STX1A: variants seen among roughly 807,000 people sequenced by gnomAD.
The protein encoded by STX1A is syntaxin-1A.
A neutral mutation model predicts 37.8 loss-of-function variants in STX1A; 4 were observed. That is an observed-to-expected ratio of 0.11 (90% confidence interval 0.05 to 0.24). The LOEUF is 0.24. Ranked by LOEUF, STX1A falls within the 10% of genes least tolerant of loss-of-function variation. The pLI, the probability that STX1A is intolerant of heterozygous loss-of-function variation, is 1.00. For missense variants in STX1A, 251 were observed against 399.9 expected (o/e 0.63, Z 3.18); for synonymous variants, 135 against 147.4 (o/e 0.92, Z 0.61).
Position 73,717,914 on chromosome 7 carries a change from A to C in STX1A, c.30+1688T>G, listed in dbSNP as rs1799346883. On this transcript the variant is annotated intron_variant, in intron 1 of 9. Transcript: ENST00000222812. This position sits in a 1 kb window ranked among gnomAD's most constrained non-coding sequence, Gnocchi z 4.1. ...GCCCTTTTCTACCACCCCTCCCTCT[A>C]GCAGGCAAGCCGTGTTTCTTTTGTG... Among the ~76,000 whole-genome samples, 1 of 152,088 alleles carries C rather than the reference A, an allele frequency of 6.6e-6. No homozygotes were observed. Among genetic ancestry groups the C allele is most frequent in the South Asian group, 2.1e-4 (1 of 4,832 alleles).
rs1432715333 is a variant in STX1A at position 73,709,221 on chromosome 7, CT to C, written c.31-100del. On this transcript the variant is annotated intron_variant, in intron 1 of 9. Coordinates refer to ENST00000222812, the MANE Select transcript of STX1A (RefSeq NM_004603.4). The surrounding 1 kb of genome is among the most constrained non-coding windows in gnomAD (Gnocchi z 4.2). ...CAGCGCCAGGGCCCTGCCCCTCCCCCTCTCCCTGGGGGCCTCTGGGCAGGGA... is the reference window on the plus strand; with the variant it reads ...CAGCGCCAGGGCCCTGCCCCTCCCCCCTCCCTGGGGGCCTCTGGGCAGGGA... 1.6e-6 allele frequency: 2 copies of C among 1,240,008 alleles called. No individual in the cohort carries two copies. Among genetic ancestry groups the C allele is most frequent in the African/African-American group, 2.9e-5 (2 of 67,806 alleles). 76.8% of individuals were successfully genotyped at this position (1,240,008 alleles called of 1,614,324 possible). A position where few individuals can be genotyped will look rare whatever the true frequency, so the allele number is the denominator to read the frequency against.
At chr7:73,711,552 G>A (rs782438621) in intron 1 of STX1A, among the ~76,000 whole-genome samples, 3 of 152,040 alleles carry the variant, frequency 2.0e-5, no homozygotes, top group African/African-American at 4.8e-5. Flanking sequence ...TCCAGGAGCC[G>A]TTTTCACGCT....
chr7:73,712,401 C>T (rs1230460545), intron 1 of STX1A, among the ~76,000 whole-genome samples: 24 of 151,036 alleles, frequency 1.6e-4, no homozygotes, highest in Admixed American at 1.3e-3. Context: ...TCCCTTTGCC[C>T]GGGATGCTGA....
intron 3 of STX1A, among the ~76,000 whole-genome samples, chr7:73,707,016 G>A (rs1403518981): frequency 1.3e-5 from 2 of 152,176 alleles, no homozygotes; most frequent in African/African-American, 4.8e-5. Flanking sequence ...TTGGGGCTGT[G>A]AAAAGATTTA....
intron 7 of STX1A, chr7:73,703,471 C>A: frequency 1.5e-6 from 1 of 659,856 alleles, no homozygotes. Context: ...AAATGTCCTC[C>A]AGGAGAGGAA....
At chr7:73,712,389 C>T (rs1799135452) in intron 1 of STX1A, among the ~76,000 whole-genome samples, 1 of 150,826 alleles carries the variant, frequency 6.6e-6, no homozygotes, top group East Asian at 2.0e-4. Context: ...CCCCCAGGCA[C>T]ATCCCTTTGC....
Position 73,699,433 on chromosome 7 carries a change from G to A in STX1A, c.*974C>T, listed in dbSNP as rs1275823389. On this transcript the variant is annotated 3_prime_UTR_variant, in exon 10 of 10. Transcript: ENST00000222812. ...CATGCATCTCCCTGCCTGTCCACAA[G>A]GGAGAGGGTCCTGGGGCGGGGGCAC... The A allele has an allele frequency of 2.6e-5, 4 of 152,692 alleles. No individual in the cohort carries two copies. The highest frequency in any genetic ancestry group is 9.6e-5 in the African/African-American group (4 of 41,458). 9.5% of individuals were successfully genotyped at this position (152,692 alleles called of 1,614,324 possible). A position where few individuals can be genotyped will look rare whatever the true frequency, so the allele number is the denominator to read the frequency against.
chr7:73,705,089 G>T lies in STX1A; in HGVS notation c.283+61C>A. The T allele has an allele frequency of 6.5e-7, 1 of 1,529,436 alleles. No individual in the cohort carries two copies. Among genetic ancestry groups the T allele is most frequent in the Non-Finnish European group, 9.1e-7 (1 of 1,103,212 alleles). 94.7% of individuals were successfully genotyped at this position (1,529,436 alleles called of 1,614,324 possible). On this transcript the variant is annotated intron_variant, in intron 4 of 9. Transcript: ENST00000222812. The surrounding 1 kb of genome is among the most constrained non-coding windows in gnomAD (Gnocchi z 5.2). ...CCTCAGGGCGAGCAAAACCCCATGGGCTCCGCAGAGGAAGCAGGCCTAGAA... is the reference window on the plus strand; with the variant it reads ...CCTCAGGGCGAGCAAAACCCCATGGTCTCCGCAGAGGAAGCAGGCCTAGAA...
chr7:73,703,976 A>C (rs1798768667), intron 6 of STX1A, 148 bp from the exon 7 acceptor site: 2 of 838,374 alleles, frequency 2.4e-6, no homozygotes, highest in Admixed American at 3.7e-5. Flanking sequence ...GGCCCTTAAC[A>C]CAGCAGCCGC....
Position 73,702,567 on chromosome 7 carries a change from C to A in STX1A, c.678+278G>T. ...GGGGAAATGCGTGGCCCACAGTGGC[C>A]CCATGAGGAAACAGTAGTAGGGGAA... On this transcript the variant is annotated intron_variant, in intron 8 of 9. Transcript: ENST00000222812. The surrounding 1 kb of genome is among the most constrained non-coding windows in gnomAD (Gnocchi z 4.7). 1 of 929,116 alleles carries A rather than the reference C, an allele frequency of 1.1e-6. No homozygotes were observed. Among genetic ancestry groups the A allele is most frequent in the Non-Finnish European group, 1.5e-6 (1 of 649,954 alleles). The allele number at this position is 929,116 out of a possible 1,614,324, so 57.6% of individuals were successfully genotyped here.
Position 73,709,514 on chromosome 7 carries a change from C to A in STX1A, c.31-392G>T, listed in dbSNP as rs1302827014. On this transcript the variant is annotated intron_variant, in intron 1 of 9. Transcript: ENST00000222812. The surrounding 1 kb of genome is among the most constrained non-coding windows in gnomAD (Gnocchi z 4.2). ...CTGCCTGGAAAGTGCATTCTCTACT[C>A]TCCTGGCCCTGTGGTTTACACACAC... 6.6e-6 allele frequency among the ~76,000 whole-genome samples: 1 copy of A among 152,160 alleles called. No homozygotes were observed. Among genetic ancestry groups the A allele is most frequent in the African/African-American group, 2.4e-5 (1 of 41,440 alleles).
chr7:73,701,730 G>A (rs1443863021), intron 8 of STX1A, among the ~76,000 whole-genome samples: 4 of 152,094 alleles, frequency 2.6e-5, no homozygotes, highest in Admixed American at 1.3e-4. Context: ...ACCAGATGGC[G>A]GCAGCGGCAG....
chr7:73,719,097 G>C (rs1799400289), intron 1 of STX1A, among the ~76,000 whole-genome samples: 2 of 152,024 alleles, frequency 1.3e-5, no homozygotes, highest in South Asian at 4.1e-4. Flanking sequence ...GGTTTCCGCA[G>C]CGCGCCCCGC....
At position 73,704,273 on chromosome 7, in the gene STX1A, G is replaced by A. The variant is rs782244597; in HGVS notation, c.358-17C>T. 1 of 1,614,016 alleles carries A rather than the reference G, an allele frequency of 6.2e-7. No homozygotes were observed. The highest frequency in any genetic ancestry group is 2.2e-5 in the East Asian group (1 of 44,876). On this transcript the variant is annotated splice_polypyrimidine_tract_variant and intron_variant, in intron 5 of 9. Coordinates refer to ENST00000222812, the MANE Select transcript of STX1A (RefSeq NM_004603.4). ...CGTGGAGTGCTGGGGGCCCGAGATG[G>A]AGGTGCAGGGGTCAGGCCCTGCGGG...
Position 73,719,669 on chromosome 7 carries a change from T to A in STX1A, c.-38A>T. The A allele has an allele frequency of 8.6e-7, 1 of 1,165,004 alleles. No homozygotes were observed. Among genetic ancestry groups the A allele is most frequent in the Non-Finnish European group, 1.1e-6 (1 of 942,820 alleles). 72.2% of individuals were successfully genotyped at this position (1,165,004 alleles called of 1,614,324 possible). On this transcript the variant is annotated 5_prime_UTR_variant, in exon 1 of 10. Transcript: ENST00000222812. ...GGCAGCGGCGCCGGCTGCAGCCGTG[T>A]GAGCCCCGCATGCGCGACGGCCGCC...
rs533754218 is a variant in STX1A at position 73,705,382 on chromosome 7, C to A, written c.209-158G>T. Reference sequence around the variant, plus strand: ...AGGCTCTGCCTGCCCGCCCCCCTCCCCCAATTCTGGGCCAGGGCTGCACCA... The same window carrying A: ...AGGCTCTGCCTGCCCGCCCCCCTCCACCAATTCTGGGCCAGGGCTGCACCA... On this transcript the variant is annotated intron_variant, in intron 3 of 9. Coordinates refer to ENST00000222812, the MANE Select transcript of STX1A (RefSeq NM_004603.4). This position sits in a 1 kb window ranked among gnomAD's most constrained non-coding sequence, Gnocchi z 5.2. 6 of 634,894 alleles carry A rather than the reference C, an allele frequency of 9.5e-6. No homozygotes were observed. The highest frequency in any genetic ancestry group is 1.7e-5 in the Non-Finnish European group (6 of 359,894). The allele number at this position is 634,894 out of a possible 1,614,324, so 39.3% of individuals were successfully genotyped here.
intron 1 of STX1A, among the ~76,000 whole-genome samples, 170 bp downstream of exon 1, chr7:73,719,432 G>A (rs1799416239): frequency 6.6e-6 from 1 of 152,162 alleles, no homozygotes; most frequent in African/African-American, 2.4e-5. Context: ...TGGGTCCGAG[G>A]GGCGGAACCC....
At chr7:73,714,005 C>G (rs1799195716) in intron 1 of STX1A, among the ~76,000 whole-genome samples, 1 of 152,224 alleles carries the variant, frequency 6.6e-6, no homozygotes, top group Admixed American at 6.5e-5. Flanking sequence ...TTGCCAGAGC[C>G]CCATCCTCTG....
chr7:73,711,035 C>A (rs782136021), intron 1 of STX1A, among the ~76,000 whole-genome samples: 11 of 152,180 alleles, frequency 7.2e-5, no homozygotes, highest in Non-Finnish European at 1.3e-4. Context: ...GTCACCCAGG[C>A]TGGAGTGCAG....
Sources: allele counts gnomAD v4.1 joint callset (sites outside exome capture counted in the v4.1 genomes callset), GRCh38; gene constraint gnomAD v4.1.1; non-coding constraint Gnocchi (gnomAD v3.1); transcripts MANE v1.5; gene names NCBI Gene and HGNC (gene_info 2026-07-23, HGNC 2026-07-21).